The following CDH13 variants were observed in gnomAD, a reference collection of about 807,000 sequenced individuals.
CDH13 encodes the protein cadherin-13.
Under a neutral mutation model 63.8 loss-of-function variants are expected in CDH13, and 24 were observed. The observed-to-expected ratio is 0.38, with a 90% CI of 0.27 to 0.53. The LOEUF (loss-of-function observed/expected upper bound fraction) is 0.53, where lower values mean the gene tolerates loss of function less well. Ranked by LOEUF, CDH13 falls within the 20% of genes least tolerant of loss-of-function variation. The pLI, the probability that CDH13 is intolerant of heterozygous loss-of-function variation, is 0.85. For synonymous variants in CDH13, 503 were observed against 355.3 expected (o/e 1.42, Z -4.67); for missense variants, 1,049 against 903.1 (o/e 1.16, Z -2.07).
At chr16:83,008,977 G>C (rs548467582) in intron 2 of CDH13, among the ~76,000 whole-genome samples, 5 of 152,148 alleles carry the variant, frequency 3.3e-5, no homozygotes, top group African/African-American at 1.2e-4. Flanking sequence ...TGAGTGAAGC[G>C]GGAAGCCCCT....
At chr16:83,161,588 T>A (rs1253032065) in intron 4 of CDH13, among the ~76,000 whole-genome samples, 4 of 152,154 alleles carry the variant, frequency 2.6e-5, no homozygotes, top group Admixed American at 6.5e-5. Flanking sequence ...GGTCTGCCAC[T>A]CATCCACAAC....
chr16:83,580,479 TCTC>T (rs1905475317), intron 7 of CDH13, among the ~76,000 whole-genome samples: 3 of 141,628 alleles, frequency 2.1e-5, no homozygotes, highest in African/African-American at 7.9e-5. Context: ...TCTCTCTCTC[TCTC>T]TCTCTCTCTC....
rs1396991894 is a variant in CDH13, at chr16:82,842,133, TATATAC to T, written c.46-16227_46-16222del. On this transcript the variant is annotated intron_variant, in intron 1 of 13. Transcript: ENST00000567109. ...ATATGTATATATATATATATATATA[TATATAC>T]ACATATATATATATATATATATATA... Among the ~76,000 whole-genome samples the T allele has an allele frequency of 5.2e-3, 252 of 48,680 alleles. 2 individuals are homozygous for T. Among genetic ancestry groups the T allele is most frequent in the Middle Eastern group, 0.012 (1 of 86 alleles). The allele number at this position is 48,680 out of a possible 152,430, so 31.9% of individuals were successfully genotyped here.
chr16:82,890,896 C>T (rs1597151243), intron 2 of CDH13, among the ~76,000 whole-genome samples: 1 of 152,192 alleles, frequency 6.6e-6, no homozygotes, highest in South Asian at 2.1e-4. Context: ...CAGTGATCTG[C>T]CCACCGCAGC....
At chr16:83,525,165 A>T (rs188948945) in intron 7 of CDH13, among the ~76,000 whole-genome samples, 42 of 152,266 alleles carry the variant, frequency 2.8e-4, no homozygotes, top group African/African-American at 8.7e-4. Flanking sequence ...TCTGTGCCTC[A>T]TGTCCATCCT....
chr16:83,700,863 C>G (rs1385659262), intron 10 of CDH13, among the ~76,000 whole-genome samples: 62 of 152,156 alleles, frequency 4.1e-4, no homozygotes, highest in Non-Finnish European at 1.5e-5. Flanking sequence ...GAACTACTAT[C>G]AGCTTCCTGG....
intron 10 of CDH13, among the ~76,000 whole-genome samples, chr16:83,682,781 A>T (rs1439551327): frequency 6.6e-6 from 1 of 151,978 alleles, no homozygotes; most frequent in Non-Finnish European, 1.5e-5. Flanking sequence ...ATCTCATGTC[A>T]CATTAGTCAC....
At chr16:83,263,895 T>A (rs1364314) in intron 5 of CDH13, among the ~76,000 whole-genome samples, 61,531 of 151,560 alleles carry the variant, frequency 0.41, 12,723 homozygotes, top group South Asian at 0.49. Context: ...TTAAAAAAAA[T>A]AATGATAGCA....
intron 1 of CDH13, among the ~76,000 whole-genome samples, chr16:82,654,699 C>T (rs1911102333): frequency 6.6e-6 from 1 of 151,832 alleles, no homozygotes; most frequent in South Asian, 2.1e-4. Context: ...GATACAAATG[C>T]TGTACCATCA....
At chr16:82,763,212 C>T (rs1184524289) in intron 1 of CDH13, among the ~76,000 whole-genome samples, 1 of 152,174 alleles carries the variant, frequency 6.6e-6, no homozygotes, top group African/African-American at 2.4e-5. Context: ...TTTACTTAAA[C>T]ATCCTCTTTT....
intron 2 of CDH13, among the ~76,000 whole-genome samples, chr16:82,860,949 G>A (rs1189995842): frequency 6.6e-6 from 1 of 152,014 alleles, no homozygotes; most frequent in Non-Finnish European, 1.5e-5. Flanking sequence ...AGTTTATTTT[G>A]CGTATTTCTT....
At chr16:83,706,019 G>C (rs1208715862) in intron 10 of CDH13, among the ~76,000 whole-genome samples, 1 of 152,204 alleles carries the variant, frequency 6.6e-6, no homozygotes, top group Non-Finnish European at 1.5e-5. Context: ...TGTCTCTGTG[G>C]TTTTAATGGC....
intron 1 of CDH13, among the ~76,000 whole-genome samples, chr16:82,806,785 C>G (rs2037166496): frequency 6.6e-6 from 1 of 152,096 alleles, no homozygotes; most frequent in African/African-American, 2.4e-5. Context: ...TCCTGTTTCT[C>G]TAGCAGTGAA....
At chr16:83,081,713 G>A (rs1298060543) in intron 3 of CDH13, among the ~76,000 whole-genome samples, 1 of 152,096 alleles carries the variant, frequency 6.6e-6, no homozygotes, top group South Asian at 2.1e-4. Flanking sequence ...GAGAAAGAGA[G>A]AGAGAGAAAG....
intron 5 of CDH13, among the ~76,000 whole-genome samples, chr16:83,336,936 T>C (rs988680255): frequency 6.6e-6 from 1 of 152,188 alleles, no homozygotes; most frequent in Non-Finnish European, 1.5e-5. Flanking sequence ...CATCAGTACA[T>C]CCCTTTGGGT....
intron 10 of CDH13, among the ~76,000 whole-genome samples, chr16:83,706,248 G>A (rs1279322502): frequency 6.6e-6 from 1 of 152,172 alleles, no homozygotes; most frequent in East Asian, 1.9e-4. Context: ...TTCCAAAGGT[G>A]AGCATCCCAA....
chr16:83,280,295 A>G (rs2089131021), intron 5 of CDH13, among the ~76,000 whole-genome samples: 1 of 152,318 alleles, frequency 6.6e-6, no homozygotes, highest in East Asian at 1.9e-4. Context: ...CATTTCAACT[A>G]TGTTCATAGT....
intron 2 of CDH13, among the ~76,000 whole-genome samples, chr16:82,897,846 A>G (rs2041321604): frequency 6.6e-6 from 1 of 152,222 alleles, no homozygotes; most frequent in African/African-American, 2.4e-5. Context: ...TTCTTTATTC[A>G]TTCATTTATC....
chr16:83,232,633 C>T lies in CDH13; in HGVS notation c.636+15136C>T, dbSNP rs566661579. On this transcript the variant is annotated intron_variant, in intron 5 of 13. Coordinates refer to ENST00000567109, the MANE Select transcript of CDH13 (RefSeq NM_001257.5). Reference sequence around the variant, plus strand: ...TTGCCATGTTATACGCCTGCATCCCCTTTGCCTTCCACCATGATTGTAAGT... The same window carrying T: ...TTGCCATGTTATACGCCTGCATCCCTTTTGCCTTCCACCATGATTGTAAGT... 2.6e-5 allele frequency among the ~76,000 whole-genome samples: 4 copies of T among 152,184 alleles called. No individual in the cohort carries two copies. In the South Asian group the frequency reaches 6.2e-4, roughly 24 times the overall value.
Sources: allele counts gnomAD v4.1 joint callset (sites outside exome capture counted in the v4.1 genomes callset), GRCh38; gene constraint gnomAD v4.1.1; transcripts MANE v1.5; gene names NCBI Gene and HGNC (gene_info 2026-07-23, HGNC 2026-07-21).